The following MTHFD2L variants were observed in gnomAD, a reference collection of about 807,000 sequenced individuals.
The protein encoded by MTHFD2L is methylenetetrahydrofolate dehydrogenase (NADP+ dependent) 2 like.
MTHFD2L carries 29 observed loss-of-function variants against 34.9 expected under a neutral mutation model. The ratio of observed to expected loss-of-function variants is 0.83; its 90% CI spans 0.62 to 1.13. MTHFD2L has a LOEUF of 1.13. Among genes scored for constraint, MTHFD2L ranks in the 50% most tolerant of loss-of-function variants. The pLI is 0.00. For synonymous variants in MTHFD2L, 167 were observed against 155.7 expected, an observed-to-expected ratio of 1.07 and a Z score of -0.54; for missense variants, 481 against 446.5, an observed-to-expected ratio of 1.08 and a Z score of -0.70.
At chr4:74,124,922 TAC>T, upstream of MTHFD2L, among the ~76,000 whole-genome samples, 1 of 152,110 alleles carries the variant, frequency 6.6e-6, no homozygotes, top group East Asian at 1.9e-4. Flanking sequence ...GTGCTGAGAG[TAC>T]AATGGTAAAC....
intron 6 of MTHFD2L, among the ~76,000 whole-genome samples, chr4:74,229,528 A>G (rs75980367): frequency 6.6e-6 from 1 of 152,156 alleles, no homozygotes; most frequent in Non-Finnish European, 1.5e-5. Context: ...AAAGAATGAT[A>G]ATGTCTGAGA....
chr4:74,296,840 A>C (rs1348807481), intron 7 of MTHFD2L, among the ~76,000 whole-genome samples: 1 of 152,128 alleles, frequency 6.6e-6, no homozygotes, highest in Non-Finnish European at 1.5e-5. Context: ...CTCACTGATG[A>C]ATGAATGAAC....
intron 6 of MTHFD2L, among the ~76,000 whole-genome samples, chr4:74,276,595 C>T (rs1012278486): frequency 1.3e-5 from 2 of 151,996 alleles, no homozygotes; most frequent in Non-Finnish European, 2.9e-5. Context: ...ATATTTAAAT[C>T]GATTTTGATT....
At chr4:74,290,058 A>G (rs1026613355) in intron 7 of MTHFD2L, among the ~76,000 whole-genome samples, 1 of 152,206 alleles carries the variant, frequency 6.6e-6, no homozygotes, top group Admixed American at 6.5e-5. Flanking sequence ...ATGATATTGT[A>G]TACAATTGTG....
chr4:74,182,699 A>G (rs1481823619), intron 3 of MTHFD2L: 2 of 152,086 alleles, frequency 1.3e-5, no homozygotes, highest in African/African-American at 4.8e-5. Flanking sequence ...ATGTCCTCTT[A>G]TATTTTGGGG....
chr4:74,291,177 C>T (rs1229559680), intron 7 of MTHFD2L, among the ~76,000 whole-genome samples: 4 of 151,288 alleles, frequency 2.6e-5, no homozygotes, highest in Admixed American at 6.6e-5. Context: ...GTGCCACACC[C>T]AGGTAATTTT....
chr4:74,213,617 T>C (rs2110089568), intron 5 of MTHFD2L, among the ~76,000 whole-genome samples: 1 of 152,314 alleles, frequency 6.6e-6, no homozygotes, highest in South Asian at 2.1e-4. Flanking sequence ...AACCTGACCT[T>C]TCTCTCTGGC....
rs529920702 is a variant in MTHFD2L at position 74,195,009 on chromosome 4, T to A, written c.452-4785T>A. The A allele has an allele frequency of 3.3e-5, 5 of 152,368 alleles. 1 individual carries two copies. In the South Asian group the frequency reaches 1.0e-3, roughly 32 times the overall value. The allele number at this position is 152,368 out of a possible 1,614,324, so 9.4% of individuals were successfully genotyped here. On this transcript the variant is annotated intron_variant, in intron 3 of 7. Coordinates refer to ENST00000325278, the MANE Select transcript of MTHFD2L (RefSeq NM_001144978.3). ...GAAGTTTTTCTTTTAACAGTGAGAA[T>A]GTGGTATTTAAGAAAACATTTGAAA...
At chr4:74,165,912 G>C (rs1053303363) in intron 1 of MTHFD2L, among the ~76,000 whole-genome samples, 1 of 151,810 alleles carries the variant, frequency 6.6e-6, no homozygotes, top group African/African-American at 2.4e-5. Context: ...CAAATATTTA[G>C]ATAAAAGAAA....
At chr4:74,274,888 TG>T (rs1242295051) in intron 6 of MTHFD2L, among the ~76,000 whole-genome samples, 2 of 152,136 alleles carry the variant, frequency 1.3e-5, no homozygotes, top group Non-Finnish European at 2.9e-5. Flanking sequence ...TGTTAGGGTG[TG>T]GGGGCAAAGT....
At chr4:74,135,860 G>A (rs567590698) in intron 1 of MTHFD2L, among the ~76,000 whole-genome samples, 24 of 151,960 alleles carry the variant, frequency 1.6e-4, no homozygotes, top group Non-Finnish European at 3.1e-4. Flanking sequence ...TAACAGAATC[G>A]AGAATGAGAA....
chr4:74,156,557 G>C (rs1430434594), upstream of MTHFD2L: 1 of 152,188 alleles, frequency 6.6e-6, no homozygotes, highest in African/African-American at 2.4e-5. Context: ...TTTAAAATCA[G>C]TTGGGTAAAT....
At chr4:74,198,060 C>T (rs926938340) in intron 3 of MTHFD2L, among the ~76,000 whole-genome samples, 1 of 152,230 alleles carries the variant, frequency 6.6e-6, no homozygotes, top group Non-Finnish European at 1.5e-5. Flanking sequence ...TATGTCCATT[C>T]ATCTGTCTTT....
chr4:74,232,896 C>A (rs1394374256), intron 6 of MTHFD2L, among the ~76,000 whole-genome samples: 1 of 152,038 alleles, frequency 6.6e-6, no homozygotes, highest in Non-Finnish European at 1.5e-5. Flanking sequence ...TTATTCAGTT[C>A]TTGACTATTG....
At chr4:74,119,997 T>A (rs1159676059), upstream of MTHFD2L, among the ~76,000 whole-genome samples, 1 of 151,766 alleles carries the variant, frequency 6.6e-6, no homozygotes, top group African/African-American at 2.4e-5. Flanking sequence ...AAAAAAAAGA[T>A]GAACAAGAAG....
intron 5 of MTHFD2L, among the ~76,000 whole-genome samples, chr4:74,209,310 G>A (rs949131352): frequency 7.9e-5 from 12 of 152,062 alleles, no homozygotes; most frequent in South Asian, 2.1e-4. Context: ...GTCATCTACC[G>A]TAGGTATTTC....
rs982784622 is a variant in MTHFD2L at position 74,303,057 on chromosome 4, T to C, written c.*1248T>C. The C allele has an allele frequency of 6.6e-6, 1 of 152,170 alleles. No individual in the cohort carries two copies. The highest frequency in any genetic ancestry group is 1.5e-5 in the Non-Finnish European group (1 of 68,014). 9.4% of individuals were successfully genotyped at this position (152,170 alleles called of 1,614,324 possible). On this transcript the variant is annotated 3_prime_UTR_variant, in exon 8 of 8. Transcript: ENST00000325278. ...GTGAAAATAGACTTGATGTTTATAATTAATACCATTACAACTGTATAATAA... is the reference window on the plus strand; with the variant it reads ...GTGAAAATAGACTTGATGTTTATAACTAATACCATTACAACTGTATAATAA...
chr4:74,251,732 G>A (rs1743336107), intron 6 of MTHFD2L, among the ~76,000 whole-genome samples: 1 of 152,086 alleles, frequency 6.6e-6, no homozygotes, highest in Non-Finnish European at 1.5e-5. Flanking sequence ...CTATATCATA[G>A]TGCCATATTC....
chr4:74,262,504 T>A (rs1025210975), intron 6 of MTHFD2L, among the ~76,000 whole-genome samples: 2 of 151,890 alleles, frequency 1.3e-5, no homozygotes, highest in African/African-American at 4.8e-5. Flanking sequence ...TAACAAAGAA[T>A]TAGTATGCAG....
Sources: allele counts gnomAD v4.1 joint callset (sites outside exome capture counted in the v4.1 genomes callset), GRCh38; gene constraint gnomAD v4.1.1; transcripts MANE v1.5; gene names NCBI Gene and HGNC (gene_info 2026-07-23, HGNC 2026-07-21).